MIPEP: variants seen among roughly 807,000 people sequenced by gnomAD.
MIPEP encodes mitochondrial intermediate peptidase.
MIPEP carries 79 observed loss-of-function variants against 90.3 expected under a neutral mutation model. The ratio of observed to expected loss-of-function variants is 0.87; its 90% CI spans 0.73 to 1.05. The LOEUF (loss-of-function observed/expected upper bound fraction) is 1.05. MIPEP is among the 50% of genes least tolerant of loss of function. MIPEP has a pLI of 0.00. For synonymous variants in MIPEP, 334 were observed against 315.8 expected (o/e 1.06, Z -0.61); for missense variants, 940 against 905.6 (o/e 1.04, Z -0.49).
chr13:23,819,707 A>T (rs552972934), intron 14 of MIPEP, among the ~76,000 whole-genome samples: 2 of 143,716 alleles, frequency 1.4e-5, no homozygotes, highest in South Asian at 2.2e-4. Context: ...ACTTTTTATT[A>T]AAAAAAAAAA....
chr13:23,887,604 CTT>C (rs1318110980), intron 1 of MIPEP, among the ~76,000 whole-genome samples: 2 of 152,126 alleles, frequency 1.3e-5, no homozygotes, highest in East Asian at 3.8e-4. Flanking sequence ...GAGCCCTGCC[CTT>C]CATTTCTTTA....
At position 23,870,084 on chromosome 13, in the gene MIPEP, G is replaced by A. The variant is rs761087143; in HGVS notation, c.715C>T (p.Arg239Cys). The A allele has an allele frequency of 5.6e-6, 9 of 1,612,618 alleles. No individual in the cohort carries two copies. Among genetic ancestry groups the A allele is most frequent in the East Asian group, 4.5e-5 (2 of 44,788 alleles). The part of the protein sequence containing the change: ...IEKHLLPEHI[R>C]RNFTSAGDHI... The stretch of plus-strand genomic sequence containing the variant: ...TCCCCAGCAGATGTAAAGTTACGAC[G>A]AATGTGTTCTGGTAAGAGATGCTTC... The change falls in exon 6 of 19, where the codon CGT (arginine) becomes TGT (cysteine). Residue 239 changes from arginine (R) to cysteine (C), a missense_variant. Physicochemically the swap from Arg to Cys is radical, Grantham distance 180. Transcript: ENST00000382172.
intron 16 of MIPEP, among the ~76,000 whole-genome samples, chr13:23,804,694 T>C (rs887455512): frequency 6.6e-6 from 1 of 152,236 alleles, no homozygotes; most frequent in African/African-American, 2.4e-5. Context: ...GTTGCTTCAC[T>C]TGTCTGGTAA....
Position 23,879,340 on chromosome 13 carries a change from A to C in MIPEP, c.467T>G (p.Val156Gly), listed in dbSNP as rs1210835328. 1.9e-6 allele frequency: 3 copies of C among 1,569,284 alleles called. No individual in the cohort carries two copies. The highest frequency in any genetic ancestry group is 2.7e-5 in the African/African-American group (2 of 73,932). ...GTMVEKLNTN[V>G]DLYQSLQKLL... ...TTTTTGCAAACTTTGATATAAATCCACATTTGTGTTCAACCTAGAAAAAAT... is the reference window on the plus strand; with the variant it reads ...TTTTTGCAAACTTTGATATAAATCCCCATTTGTGTTCAACCTAGAAAAAAT... The change falls in exon 4 of 19, where the codon GTG (valine) becomes GGG (glycine). Residue 156 changes from valine to glycine, a missense_variant. Transcript: ENST00000382172.
At chr13:23,744,984 A>G (rs1166115065) in intron 18 of MIPEP, among the ~76,000 whole-genome samples, 1 of 152,198 alleles carries the variant, frequency 6.6e-6, no homozygotes. Context: ...TTTTATTTAA[A>G]CTGCTAGAAA....
intron 14 of MIPEP, among the ~76,000 whole-genome samples, chr13:23,815,882 A>C (rs1953228731): frequency 6.6e-6 from 1 of 152,220 alleles, no homozygotes; most frequent in African/African-American, 2.4e-5. Flanking sequence ...ACAATGAGTC[A>C]GTTTTTCATC....
At chr13:23,830,478 T>C (rs2137443020) in intron 14 of MIPEP, among the ~76,000 whole-genome samples, 1 of 145,184 alleles carries the variant, frequency 6.9e-6, no homozygotes, top group African/African-American at 2.4e-5. Flanking sequence ...TGTGGTAATG[T>C]TTTACTTCTC....
intron 14 of MIPEP, among the ~76,000 whole-genome samples, chr13:23,820,024 A>G (rs1029505260): frequency 2.0e-5 from 3 of 148,248 alleles, no homozygotes; most frequent in Non-Finnish European, 3.0e-5. Context: ...AAAAAAAAAA[A>G]GGAAAAAAAC....
chr13:23,809,556 G>A (rs529214593), intron 15 of MIPEP, among the ~76,000 whole-genome samples: 1 of 152,164 alleles, frequency 6.6e-6, no homozygotes, highest in East Asian at 1.9e-4. Flanking sequence ...TGTTGGTTAA[G>A]CTGGTCTCAA....
At chr13:23,880,469 A>C (rs1368854755) in intron 3 of MIPEP, among the ~76,000 whole-genome samples, 1 of 152,234 alleles carries the variant, frequency 6.6e-6, no homozygotes, top group Non-Finnish European at 1.5e-5. Flanking sequence ...CCTGAGATAA[A>C]GCCCATACTT....
intron 6 of MIPEP, among the ~76,000 whole-genome samples, 170 bp downstream of exon 6, chr13:23,869,843 T>C (rs1354994511): frequency 6.6e-6 from 1 of 152,374 alleles, no homozygotes; most frequent in African/African-American, 2.4e-5. Context: ...TAAATCATTT[T>C]CATTCTTTAA....
chr13:23,828,780 C>T (rs1221229488), intron 14 of MIPEP, among the ~76,000 whole-genome samples: 2 of 152,082 alleles, frequency 1.3e-5, no homozygotes, highest in African/African-American at 4.8e-5. Context: ...AAACTCTTAC[C>T]AGAATTTTTC....
intron 18 of MIPEP, among the ~76,000 whole-genome samples, chr13:23,755,733 C>T (rs1038424840): frequency 6.6e-6 from 1 of 151,598 alleles, no homozygotes; most frequent in African/African-American, 2.4e-5. Flanking sequence ...AGTAAAAATA[C>T]TCAAATAAAA....
At chr13:23,813,299 C>T (rs1180705864) in intron 14 of MIPEP, among the ~76,000 whole-genome samples, 2 of 152,138 alleles carry the variant, frequency 1.3e-5, no homozygotes, top group Non-Finnish European at 2.9e-5. Context: ...TATTGAACTA[C>T]AGTGTTCCCT....
intron 16 of MIPEP, among the ~76,000 whole-genome samples, chr13:23,782,168 C>T (rs1258665802): frequency 2.6e-5 from 4 of 152,218 alleles, no homozygotes; most frequent in Non-Finnish European, 5.9e-5. Context: ...CTCAGCACCA[C>T]ATCACACTTA....
chr13:23,829,217 A>C (rs1291716889), intron 14 of MIPEP, among the ~76,000 whole-genome samples: 1 of 152,200 alleles, frequency 6.6e-6, no homozygotes, highest in Non-Finnish European at 1.5e-5. Context: ...TAAAATGTTT[A>C]GAAGAAAACT....
chr13:23,881,791 A>T lies in MIPEP; in HGVS notation c.364-4T>A. On this transcript the variant is annotated splice_region_variant and splice_polypyrimidine_tract_variant and intron_variant, in intron 2 of 18. Coordinates refer to ENST00000382172, the MANE Select transcript of MIPEP (RefSeq NM_005932.4). ...GAGCGATTTTCACAAAATCAGCCTA[A>T]TAAAGGGGAAAGACAAAACCAAAAG... 6.2e-7 allele frequency: 1 copy of T among 1,611,056 alleles called. No individual in the cohort carries two copies. Among genetic ancestry groups the T allele is most frequent in the Admixed American group, 1.7e-5 (1 of 59,910 alleles).
intron 1 of MIPEP, 89 bp from the exon 2 acceptor site, chr13:23,886,595 A>C: frequency 9.1e-7 from 1 of 1,103,668 alleles, no homozygotes; most frequent in Admixed American, 2.8e-5. Flanking sequence ...ATCACAAAGG[A>C]GATCTTGACT....
intron 15 of MIPEP, 93 bp downstream of exon 15, chr13:23,809,757 A>G: frequency 5.0e-6 from 4 of 804,192 alleles, no homozygotes; most frequent in South Asian, 3.6e-5. Context: ...CATAATTATT[A>G]TAATAAATAG....
Sources: gnomAD v4.1 joint callset for allele counts (sites outside exome capture counted in the v4.1 genomes callset) on GRCh38, gnomAD v4.1.1 for gene constraint, MANE v1.5 for transcripts, NCBI Gene and HGNC (gene_info 2026-07-23, HGNC 2026-07-21) for gene names.